PDC: variants seen among roughly 807,000 people sequenced by gnomAD.
The protein encoded by PDC is phosducin, also known as 33 kDa phototransducing protein.
In PDC, 19 loss-of-function variants were observed where a neutral mutation model predicts 22.2. The observed-to-expected ratio is 0.86, with a 90% CI of 0.60 to 1.26. The LOEUF is 1.26. PDC is among the 50% of genes most tolerant of loss of function. The pLI is 0.00. For synonymous variants in PDC, 97 were observed against 96.2 expected, an observed-to-expected ratio of 1.01 and a Z score of -0.05; for missense variants, 274 against 286.8, an observed-to-expected ratio of 0.96 and a Z score of 0.32.
chr1:186,453,389 G>A (rs12402521), intron 1 of PDC, among the ~76,000 whole-genome samples: 50,635 of 151,898 alleles, frequency 0.33, 9,300 homozygotes, highest in African/African-American at 0.48. Flanking sequence ...TTTCATTATC[G>A]TCATTATCAT....
chr1:186,457,167 A>T (rs574028065), intron 1 of PDC, among the ~76,000 whole-genome samples: 1 of 152,206 alleles, frequency 6.6e-6, no homozygotes, highest in East Asian at 1.9e-4. Context: ...CAATACAGAC[A>T]CATTAATATG....
rs1452338358 is a variant in PDC at position 186,444,166 on chromosome 1, A to G, written c.554T>C (p.Val185Ala). ...TTTATAGATGAGCAGTGTAGGAAGTACATCTAAGGAAAAGCGGTCCCCAGC... is the reference window on the plus strand; with the variant it reads ...TTTATAGATGAGCAGTGTAGGAAGTGCATCTAAGGAAAAGCGGTCCCCAGC... Reference protein sequence around the residue: ...TGAGDRFSLDVLPTLLIYKGG... With the variant: ...TGAGDRFSLDALPTLLIYKGG... Residue 185 changes from valine (V) to alanine (A), a missense_variant, in exon 4 of 4, where the codon GTA (valine) becomes GCA (alanine). By Grantham distance (64) the Val-to-Ala change is moderately conservative. Transcript: ENST00000391997. The G allele has an allele frequency of 1.2e-6, 2 of 1,613,392 alleles. No individual in the cohort carries two copies. The highest frequency in any genetic ancestry group is 1.7e-6 in the Non-Finnish European group (2 of 1,179,466).
chr1:186,444,514 TAAAGA>T lies in PDC; in HGVS notation c.214-13_214-9del. 1 of 1,537,222 alleles carries T rather than the reference TAAAGA, an allele frequency of 6.5e-7. No homozygotes were observed. The highest frequency in any genetic ancestry group is 8.9e-7 in the Non-Finnish European group (1 of 1,119,106). On this transcript the variant is annotated splice_polypyrimidine_tract_variant and intron_variant, in intron 3 of 3. Transcript: ENST00000391997. ...ATATTCTTGAATGCTCATCTGAGAA[TAAAGA>T]AATGATAGAAATTATTAAGTCAGAA...
intron 2 of PDC, among the ~76,000 whole-genome samples, chr1:186,448,949 A>T (rs1662292171): frequency 6.6e-6 from 1 of 152,110 alleles, no homozygotes; most frequent in African/African-American, 2.4e-5. Context: ...AGTTTTCTGG[A>T]GGAATACTGA....
chr1:186,460,823 G>A (rs1662567496), intron 1 of PDC, among the ~76,000 whole-genome samples: 2 of 152,180 alleles, frequency 1.3e-5, no homozygotes, highest in South Asian at 4.1e-4. Flanking sequence ...TAGAATATCA[G>A]GCTCAAAATT....
chr1:186,450,712 G>A (rs931049575), intron 1 of PDC, among the ~76,000 whole-genome samples: 3 of 152,062 alleles, frequency 2.0e-5, no homozygotes, highest in African/African-American at 7.2e-5. Flanking sequence ...ACTCCTTGGT[G>A]CCCGCATGTA....
rs369768736 is a variant in PDC, at chr1:186,443,991, T to A, written c.729A>T (p.Glu243Asp). Residue 243 changes from glutamate to aspartate, a missense_variant, in exon 4 of 4, where the codon GAA becomes GAT. Physicochemically the swap from Glu to Asp is conservative, Grantham distance 45. Transcript: ENST00000391997. ...ACATAGTGAATCTTCATTCAACATC[T>A]TCTTCTTCTATTTTGGTATGCTCTA... ...HVLEHTKIEE[E>D]DVE The A allele has an allele frequency of 6.2e-6, 10 of 1,602,204 alleles. No individual in the cohort carries two copies. The highest frequency in any genetic ancestry group is 1.7e-5 in the Admixed American group (1 of 59,190).
Position 186,446,566 on chromosome 1 carries a change from C to T in PDC, c.73G>A (p.Val25Ile). 1 of 1,567,688 alleles carries T rather than the reference C, an allele frequency of 6.4e-7. No individual in the cohort carries two copies. Among genetic ancestry groups the T allele is most frequent in the South Asian group, 1.1e-5 (1 of 87,652 alleles). Residue 25 changes from valine (V) to isoleucine (I), a missense_variant, in exon 3 of 4, where the codon GTA becomes ATA. By Grantham distance (29) the Val-to-Ile change is conservative. Coordinates refer to ENST00000391997, the MANE Select transcript of PDC (RefSeq NM_002597.5). Reference protein sequence around the residue: ...GQATHTGPKGVINDWRKFKLE... With the variant: ...GQATHTGPKGIINDWRKFKLE... ...TTAAACTTTCTCCAATCATTTATTACTCCTTTGGGTCCTGGAATGAAATTA... is the reference window on the plus strand; with the variant it reads ...TTAAACTTTCTCCAATCATTTATTATTCCTTTGGGTCCTGGAATGAAATTA...
intron 1 of PDC, among the ~76,000 whole-genome samples, chr1:186,458,966 A>T (rs1004076762): frequency 3.3e-5 from 5 of 152,194 alleles, no homozygotes; most frequent in Admixed American, 1.3e-4. Context: ...ATTCAAGACC[A>T]GCCTGGGCAA....
chr1:186,455,928 C>T (rs1439073263), intron 1 of PDC, among the ~76,000 whole-genome samples: 3 of 131,300 alleles, frequency 2.3e-5, no homozygotes, highest in African/African-American at 5.9e-5. Context: ...GCCGAGATTG[C>T]GCCACTGCAC....
chr1:186,451,061 C>T (rs926839726), intron 1 of PDC: 2 of 152,138 alleles, frequency 1.3e-5, no homozygotes, highest in African/African-American at 2.4e-5. Flanking sequence ...TGGTGCTTTC[C>T]CAAGGCGCAG....
intron 2 of PDC, 24 bp from the exon 3 acceptor site, chr1:186,446,601 T>A (rs1662233528): frequency 7.0e-7 from 1 of 1,420,202 alleles, no homozygotes; most frequent in African/African-American, 1.4e-5. Flanking sequence ...AAAAATAAAT[T>A]GTTTTCCTTT....
At chr1:186,450,219 A>G (rs772576286) in intron 1 of PDC, among the ~76,000 whole-genome samples, 9 of 152,220 alleles carry the variant, frequency 5.9e-5, no homozygotes, top group African/African-American at 9.6e-5. Context: ...TTAAAAAATG[A>G]TGGTCTAAGG....
chr1:186,458,231 T>G lies in PDC; in HGVS notation c.-25+2828A>C, dbSNP rs867893129. Among the ~76,000 whole-genome samples, 1,147 of 138,866 alleles carry G rather than the reference T, an allele frequency of 8.3e-3. 14 individuals carry two copies. The highest frequency in any genetic ancestry group is 0.028 in the African/African-American group (1,082 of 38,166). 91.1% of individuals were successfully genotyped at this position (138,866 alleles called of 152,430 possible). A position where few individuals can be genotyped will look rare whatever the true frequency, so the allele number is the denominator to read the frequency against. On this transcript the variant is annotated intron_variant, in intron 1 of 3. Coordinates refer to ENST00000391997, the MANE Select transcript of PDC (RefSeq NM_002597.5). ...TATTATGACATACAGATATTCTTTT[T>G]TTTTTTTTTTTTTTTTTTTTAGAAA...
At chr1:186,445,492 T>C (rs1033982001) in intron 3 of PDC, among the ~76,000 whole-genome samples, 1 of 152,202 alleles carries the variant, frequency 6.6e-6, no homozygotes, top group African/African-American at 2.4e-5. Flanking sequence ...ATGTCCTCAT[T>C]CTTTTCCTTA....
At chr1:186,449,284 C>T in intron 2 of PDC, 115 bp downstream of exon 2, 2 of 475,938 alleles carry the variant, frequency 4.2e-6, no homozygotes, top group Non-Finnish European at 7.1e-6. Context: ...ATTAGCATAA[C>T]AATTTATATA....
chr1:186,446,861 A>G (rs926470299), intron 2 of PDC, among the ~76,000 whole-genome samples: 59 of 152,218 alleles, frequency 3.9e-4, no homozygotes, highest in Non-Finnish European at 1.3e-4. Context: ...TGGGGTTAAT[A>G]TATTTAAAAA....
intron 2 of PDC, 48 bp from the exon 3 acceptor site, chr1:186,446,625 G>GAAA: frequency 8.6e-7 from 1 of 1,162,304 alleles, no homozygotes; most frequent in Non-Finnish European, 1.2e-6. Context: ...TTTTCAAAAG[G>GAAA]ACTGTTGGCA....
At position 186,444,214 on chromosome 1, in the gene PDC, T is replaced by C; in HGVS notation, c.506A>G (p.Lys169Arg). 6.2e-7 allele frequency: 1 copy of C among 1,614,088 alleles called. No homozygotes were observed. The highest frequency in any genetic ancestry group is 8.5e-7 in the Non-Finnish European group (1 of 1,179,974). ...AGCACCTGTATTCGAAGCTTTTATT[T>C]TACAAAACTTAACTATAGGGTATTC... ...AAEYPIVKFC[K>R]IKASNTGAGD... Residue 169 changes from lysine (K) to arginine (R), a missense_variant, in exon 4 of 4, where the codon AAA becomes AGA. Transcript: ENST00000391997.
Sources: gnomAD v4.1 joint callset for allele counts (sites outside exome capture counted in the v4.1 genomes callset) on GRCh38, gnomAD v4.1.1 for gene constraint, MANE v1.5 for transcripts, NCBI Gene and HGNC (gene_info 2026-07-23, HGNC 2026-07-21) for gene names.